Variants in UGT2A3 observed in about 807,000 individuals in gnomAD.
UGT2A3 encodes UDP glucuronosyltransferase family 2 member A3, also known as UDP-glucuronosyltransferase 2A3.
UGT2A3 carries 55 observed loss-of-function variants against 44.1 expected under a neutral mutation model. The observed-to-expected ratio is 1.25, with a 90% CI of 1.00 to 1.56. The LOEUF is 1.56. Among genes scored for constraint, UGT2A3 ranks in the 40% most tolerant of loss-of-function variants. The pLI, the probability that UGT2A3 is intolerant of heterozygous loss-of-function variation, is 0.00. For missense variants in UGT2A3, 733 were observed against 621.6 expected (o/e 1.18, Z -1.91); for synonymous variants, 243 against 215.1 (o/e 1.13, Z -1.13).
At chr4:68,950,367 A>G (rs1258604855) in intron 1 of UGT2A3, among the ~76,000 whole-genome samples, 1 of 151,840 alleles carries the variant, frequency 6.6e-6, no homozygotes, top group Non-Finnish European at 1.5e-5. Flanking sequence ...ACCTTTTTTC[A>G]TGTTTCTACA....
intron 2 of UGT2A3, among the ~76,000 whole-genome samples, chr4:68,942,670 A>G (rs889593725): frequency 4.6e-5 from 7 of 151,254 alleles, no homozygotes; most frequent in Non-Finnish European, 1.0e-4. Context: ...CCAGGCAGAG[A>G]TAGCATGGTA....
intron 1 of UGT2A3, among the ~76,000 whole-genome samples, chr4:68,948,467 G>A (rs1342763075): frequency 1.8e-5 from 2 of 113,204 alleles, no homozygotes; most frequent in Non-Finnish European, 3.6e-5. Context: ...TTTGGTAGTG[G>A]TTTTGCTCTA....
At position 68,930,723 on chromosome 4, in the gene UGT2A3, T is replaced by C; in HGVS notation, c.1127A>G (p.Asn376Ser). 6.2e-7 allele frequency: 1 copy of C among 1,611,800 alleles called. No homozygotes were observed. Among genetic ancestry groups the C allele is most frequent in the Non-Finnish European group, 8.5e-7 (1 of 1,178,910 alleles). ...ATGGTAAATAGCTTCATAGATCCCA[T>C]TCATTCCACCATGAGTGATAAAAGC... ...TKAFITHGGM[N>S]GIYEAIYHGV... is the part of the protein sequence containing the mutation. Residue 376 changes from asparagine to serine, a missense_variant, in exon 5 of 6, where the codon AAT becomes AGT. By Grantham distance (46) the Asn-to-Ser change is conservative. Transcript: ENST00000251566.
chr4:68,942,825 CT>C (rs1329279269), intron 2 of UGT2A3, among the ~76,000 whole-genome samples: 1 of 151,322 alleles, frequency 6.6e-6, no homozygotes, highest in East Asian at 2.0e-4. Context: ...AGAATATGTT[CT>C]GTTATTATAT....
At chr4:68,939,502 A>G (rs1300738914) in intron 2 of UGT2A3, among the ~76,000 whole-genome samples, 3 of 152,222 alleles carry the variant, frequency 2.0e-5, no homozygotes, top group African/African-American at 7.2e-5. Flanking sequence ...CCATATGTAG[A>G]AAGTTGAAAC....
At chr4:68,935,365 T>A (rs1216061163) in intron 2 of UGT2A3, among the ~76,000 whole-genome samples, 4 of 148,280 alleles carry the variant, frequency 2.7e-5, no homozygotes, top group African/African-American at 4.9e-5. Flanking sequence ...CAATATTTGC[T>A]GTTCTGCAGT....
chr4:68,946,152 C>G (rs1242799009), intron 1 of UGT2A3, among the ~76,000 whole-genome samples: 1 of 151,578 alleles, frequency 6.6e-6, no homozygotes, highest in Non-Finnish European at 1.5e-5. Flanking sequence ...TGAAGGAAAA[C>G]ACATTTTCAA....
At chr4:68,930,444 T>TA in intron 5 of UGT2A3, 102 bp downstream of exon 5, 1 of 1,136,000 alleles carries the variant, frequency 8.8e-7, no homozygotes, top group Non-Finnish European at 1.2e-6. Flanking sequence ...TATTGTGGAG[T>TA]AAAATCCCTC....
chr4:68,947,358 G>C (rs371361591), intron 1 of UGT2A3, among the ~76,000 whole-genome samples: 5 of 151,604 alleles, frequency 3.3e-5, no homozygotes, highest in Non-Finnish European at 5.9e-5. Flanking sequence ...CCTCCTCACC[G>C]GTTTTACAGG....
chr4:68,946,171 T>A (rs1718377826), intron 1 of UGT2A3, among the ~76,000 whole-genome samples: 1 of 151,636 alleles, frequency 6.6e-6, no homozygotes, highest in Non-Finnish European at 1.5e-5. Context: ...AAGATTTAAT[T>A]TTAGGTTTTT....
rs775641832 is a variant in UGT2A3 at position 68,945,294 on chromosome 4, C to T, written c.864+12G>A. 1.2e-6 allele frequency: 2 copies of T among 1,610,572 alleles called. No homozygotes were observed. Among genetic ancestry groups the T allele is most frequent in the South Asian group, 1.1e-5 (1 of 90,968 alleles). On this transcript the variant is annotated intron_variant, in intron 2 of 5. Coordinates refer to ENST00000251566, the MANE Select transcript of UGT2A3 (RefSeq NM_024743.4). ...ATAAAGTACATAATATTCCTTAATACAATAGTCCTACCTTAGGCAAAGCTT... is the reference window on the plus strand; with the variant it reads ...ATAAAGTACATAATATTCCTTAATATAATAGTCCTACCTTAGGCAAAGCTT...
chr4:68,937,448 C>T (rs1717994843), intron 2 of UGT2A3, among the ~76,000 whole-genome samples: 1 of 152,068 alleles, frequency 6.6e-6, no homozygotes, highest in African/African-American at 2.4e-5. Flanking sequence ...GAGTAACCTG[C>T]ACCTGAATGA....
At chr4:68,931,759 GC>G (rs1454377615) in intron 3 of UGT2A3, among the ~76,000 whole-genome samples, 1 of 151,928 alleles carries the variant, frequency 6.6e-6, no homozygotes, top group Non-Finnish European at 1.5e-5. Flanking sequence ...AGAAGAATGA[GC>G]TAGAAAATTA....
chr4:68,929,848 A>G lies in UGT2A3; in HGVS notation c.1549T>C (p.Phe517Leu). The G allele has an allele frequency of 6.2e-7, 1 of 1,607,024 alleles. No homozygotes were observed. Among genetic ancestry groups the G allele is most frequent in the Non-Finnish European group, 8.5e-7 (1 of 1,176,462 alleles). Residue 517 changes from phenylalanine to leucine, a missense_variant, in exon 6 of 6, where the codon TTT (phenylalanine) becomes CTT (leucine). Transcript: ENST00000251566. ...TKCFLFSCQK[F>L]NKTRKIEKRE ...TTTTCTATCTTTCTAGTTTTATTAA[A>G]TTTTTGACAGGAAAATAAAAAACAT...
In UGT2A3 at chr4:68,948,216, C is replaced by T. The variant is rs182985842; in HGVS notation, c.716-2762G>A. Among the ~76,000 whole-genome samples the T allele has an allele frequency of 3.1e-3, 468 of 151,882 alleles. 1 individual carries two copies. The highest frequency in any genetic ancestry group is 0.017 in the Middle Eastern group (5 of 292). On this transcript the variant is annotated intron_variant, in intron 1 of 5. Transcript: ENST00000251566. ...TTAGCTAAGTCTTCTGCATGACTTC[C>T]TATTGCTTCACATTGAACTTTTGCA...
chr4:68,943,269 C>T, intron 2 of UGT2A3: 8 of 1,198,528 alleles, frequency 6.7e-6, no homozygotes, highest in Non-Finnish European at 8.7e-6. Flanking sequence ...GGTAGAATGG[C>T]ATGGGAGATT....
At chr4:68,934,935 G>C (rs923676872) in intron 2 of UGT2A3, among the ~76,000 whole-genome samples, 1 of 151,432 alleles carries the variant, frequency 6.6e-6, no homozygotes, top group Non-Finnish European at 1.5e-5. Context: ...ACTATAAAAG[G>C]CTTCTATGGA....
intron 2 of UGT2A3, among the ~76,000 whole-genome samples, chr4:68,942,277 A>G (rs966797139): frequency 1.3e-5 from 2 of 150,880 alleles, no homozygotes; most frequent in African/African-American, 4.9e-5. Flanking sequence ...ATACATATAT[A>G]TATGTCCATT....
At chr4:68,943,368 G>T in intron 2 of UGT2A3, 1 of 1,250,208 alleles carries the variant, frequency 8.0e-7, no homozygotes, top group Non-Finnish European at 1.0e-6. Flanking sequence ...TGGTTTTCTG[G>T]TATAACTTTC....
Sources: gnomAD v4.1 joint callset for allele counts (sites outside exome capture counted in the v4.1 genomes callset) on GRCh38, gnomAD v4.1.1 for gene constraint, MANE v1.5 for transcripts, NCBI Gene and HGNC (gene_info 2026-07-23, HGNC 2026-07-21) for gene names.